The following ATP10A variants were observed in gnomAD, a reference collection of about 807,000 sequenced individuals.
ATP10A encodes ATPase phospholipid transporting 10A (putative).
In ATP10A, 111 loss-of-function variants were observed where a neutral mutation model predicts 147.8. That is an observed-to-expected ratio of 0.75 (90% CI 0.64 to 0.88). The LOEUF is 0.88. Ranked by LOEUF, ATP10A falls within the 40% of genes least tolerant of loss-of-function variation. The probability of loss-of-function intolerance (pLI) is 0.00; values close to 1 mark genes in which losing one functional copy is unlikely to be tolerated. For synonymous variants in ATP10A, 875 were observed against 841.6 expected (o/e 1.04, Z -0.69); for missense variants, 1,927 against 1,959.0 (o/e 0.98, Z 0.31).
At chr15:25,706,886 G>A (rs967152953) in intron 12 of ATP10A, among the ~76,000 whole-genome samples, 5 of 152,180 alleles carry the variant, frequency 3.3e-5, no homozygotes, top group African/African-American at 1.2e-4. Context: ...TACCCCACAG[G>A]CCTGCACAAT....
rs1485504205 is a variant in ATP10A, at chr15:25,727,418, T to TACA, written c.741-153_741-152insTGT. On this transcript the variant is annotated intron_variant, in intron 3 of 20. Transcript: ENST00000555815. ...GAAGGGTACAGGGGGCCCCCGAGAG[T>TACA]GGGTGGCTCGCCCTGTGGGTCTCTG... 9.3e-6 allele frequency: 6 copies of TACA among 643,042 alleles called. No individual in the cohort carries two copies. In the East Asian group the frequency reaches 1.4e-4, roughly 15 times the overall value. The allele number at this position is 643,042 out of a possible 1,614,324, so 39.8% of individuals were successfully genotyped here.
chr15:25,799,441 C>T (rs977518560), intron 1 of ATP10A, among the ~76,000 whole-genome samples: 6 of 152,132 alleles, frequency 3.9e-5, no homozygotes, highest in South Asian at 2.1e-4. Context: ...GTGGGCAGCC[C>T]GGCCCAAGCA....
chr15:25,727,366 G>T, intron 3 of ATP10A, 100 bp from the exon 4 acceptor site: 3 of 1,051,938 alleles, frequency 2.9e-6, no homozygotes, highest in East Asian at 2.5e-5. Context: ...CACAATGAAA[G>T]CTTGGGGCCG....
chr15:25,826,712 T>C (rs1236055177), intron 1 of ATP10A, among the ~76,000 whole-genome samples: 2 of 152,076 alleles, frequency 1.3e-5, no homozygotes, highest in East Asian at 3.9e-4. Flanking sequence ...CGAGAATCAT[T>C]TGAACCCAGG....
intron 3 of ATP10A, among the ~76,000 whole-genome samples, chr15:25,733,700 G>T (rs968569941): frequency 6.6e-6 from 1 of 152,210 alleles, no homozygotes; most frequent in Admixed American, 6.5e-5. Context: ...GCCTGAATTG[G>T]CTGGGCGCAC....
intron 1 of ATP10A, among the ~76,000 whole-genome samples, chr15:25,846,094 C>T (rs900961297): frequency 2.0e-5 from 3 of 152,094 alleles, no homozygotes; most frequent in Non-Finnish European, 2.9e-5. Flanking sequence ...ACGTGAGACA[C>T]CCAGGGCAGT....
intron 2 of ATP10A, among the ~76,000 whole-genome samples, chr15:25,741,203 C>T (rs1004172050): frequency 3.3e-5 from 5 of 152,132 alleles, no homozygotes; most frequent in Non-Finnish European, 7.4e-5. Context: ...TACTCTGTGC[C>T]CTTGAGACCA....
intron 1 of ATP10A, among the ~76,000 whole-genome samples, chr15:25,825,525 G>A (rs931138229): frequency 6.6e-6 from 1 of 152,160 alleles, no homozygotes; most frequent in East Asian, 1.9e-4. Flanking sequence ...CTGGCTCAGA[G>A]TTGAAGGTGT....
At chr15:25,705,904 C>T (rs1900978484) in intron 12 of ATP10A, among the ~76,000 whole-genome samples, 1 of 152,218 alleles carries the variant, frequency 6.6e-6, no homozygotes, top group South Asian at 2.1e-4. Flanking sequence ...CCCATGTGGG[C>T]AACCCAGGAG....
upstream of ATP10A, among the ~76,000 whole-genome samples, chr15:25,863,969 A>G (rs571547748): frequency 7.6e-4 from 115 of 152,248 alleles, no homozygotes; most frequent in African/African-American, 2.6e-3. Context: ...CATGGAAAGG[A>G]GAAATATATC....
intron 1 of ATP10A, among the ~76,000 whole-genome samples, chr15:25,839,203 T>A (rs1360453862): frequency 6.6e-6 from 1 of 152,186 alleles, no homozygotes; most frequent in Non-Finnish European, 1.5e-5. Flanking sequence ...TGGGATAATA[T>A]GTAACTCCAG....
intron 2 of ATP10A, among the ~76,000 whole-genome samples, chr15:25,752,637 G>A (rs1888214875): frequency 6.6e-6 from 1 of 152,120 alleles, no homozygotes; most frequent in Non-Finnish European, 1.5e-5. Flanking sequence ...GATTGTTTTG[G>A]CTATATGGGG....
chr15:25,853,078 T>C (rs529859903), intron 1 of ATP10A, among the ~76,000 whole-genome samples: 1 of 152,302 alleles, frequency 6.6e-6, no homozygotes, highest in South Asian at 2.1e-4. Context: ...AATAGTTTGG[T>C]AGGCAAAATG....
chr15:25,702,124 A>G (rs1405669265), intron 12 of ATP10A, 24 bp from the exon 13 acceptor site: 2 of 1,593,714 alleles, frequency 1.3e-6, no homozygotes, highest in Non-Finnish European at 8.5e-7. Flanking sequence ...CAGCAGTGTG[A>G]GCGAACCCGC....
chr15:25,688,741 G>T (rs933826208), intron 15 of ATP10A, among the ~76,000 whole-genome samples: 1 of 152,170 alleles, frequency 6.6e-6, no homozygotes, highest in Non-Finnish European at 1.5e-5. Flanking sequence ...CAAGTGGTAC[G>T]CTTGAAATGG....
chr15:25,756,026 C>G (rs750904159), intron 2 of ATP10A, among the ~76,000 whole-genome samples: 1 of 152,242 alleles, frequency 6.6e-6, no homozygotes, highest in Non-Finnish European at 1.5e-5. Flanking sequence ...TCCTGGCCAT[C>G]TTGCCTTAAC....
Position 25,736,079 on chromosome 15 carries a change from G to A in ATP10A, c.717C>T (p.Asp239=). ...SVIECEKPNN[D]LSRFRGCIIH... ...ACATGCAGCCGCGAAACCTACTCAG[G>A]TCGTTGTTTGGCTTCTCGCATTCGA... Residue 239 remains aspartate (D), a synonymous_variant, in exon 3 of 21, where the codon GAC becomes GAT. Coordinates refer to ENST00000555815, the MANE Select transcript of ATP10A (RefSeq NM_024490.4). 6.2e-7 allele frequency: 1 copy of A among 1,613,742 alleles called. No individual in the cohort carries two copies. Among genetic ancestry groups the A allele is most frequent in the Non-Finnish European group, 8.5e-7 (1 of 1,180,010 alleles).
chr15:25,708,341 G>A lies in ATP10A; in HGVS notation c.2345-41C>T, dbSNP rs145923424. 311 of 1,563,380 alleles carry A rather than the reference G, an allele frequency of 2.0e-4. 3 individuals carry two copies. The East Asian group carries it at 5.2e-3, about 26-fold the overall frequency. On this transcript the variant is annotated intron_variant, in intron 10 of 20. Coordinates refer to ENST00000555815, the MANE Select transcript of ATP10A (RefSeq NM_024490.4). ...AGCAGAAACATGGGTAAGAACTGGCGCCTGTGGAATGGTCTTCAGACACTC... is the reference window on the plus strand; with the variant it reads ...AGCAGAAACATGGGTAAGAACTGGCACCTGTGGAATGGTCTTCAGACACTC...
Position 25,862,992 on chromosome 15 carries a change from C to T in ATP10A, c.105G>A (p.Pro35=). The T allele has an allele frequency of 1.4e-6, 2 of 1,416,576 alleles. No individual in the cohort carries two copies. Among genetic ancestry groups the T allele is most frequent in the Non-Finnish European group, 1.8e-6 (2 of 1,094,740 alleles). 87.8% of individuals were successfully genotyped at this position (1,416,576 alleles called of 1,614,324 possible). The part of the protein sequence containing the change: ...RTVRSNLLPP[P]GAEDPAAGAA... ...CGCCAGCCGCAGGGTCCTCGGCGCC[C>T]GGGGGCGGCAGCAGGTTGGAGCGCA... The change falls in exon 1 of 21, where the codon CCG becomes CCA. Residue 35 remains proline, a synonymous_variant. Coordinates refer to ENST00000555815, the MANE Select transcript of ATP10A (RefSeq NM_024490.4).
Sources: allele counts gnomAD v4.1 joint callset (sites outside exome capture counted in the v4.1 genomes callset), GRCh38; gene constraint gnomAD v4.1.1; transcripts MANE v1.5; gene names NCBI Gene and HGNC (gene_info 2026-07-23, HGNC 2026-07-21).